Variants in CTNNA3 observed in about 807,000 individuals in gnomAD.
CTNNA3 encodes catenin alpha-3.
Under a neutral mutation model 95.7 loss-of-function variants are expected in CTNNA3, and 76 were observed. That is an observed-to-expected ratio of 0.79 (90% confidence interval 0.66 to 0.96). The LOEUF (loss-of-function observed/expected upper bound fraction) is 0.96. CTNNA3 is among the 40% of genes least tolerant of loss of function. The probability of loss-of-function intolerance (pLI) is 0.00; values close to 1 mark genes in which losing one functional copy is unlikely to be tolerated. For missense variants in CTNNA3, 1,191 were observed against 1,089.8 expected, an observed-to-expected ratio of 1.09 and a Z score of -1.31; for synonymous variants, 431 against 374.4, an observed-to-expected ratio of 1.15 and a Z score of -1.74.
At chr10:67,005,383 T>C (rs753007407) in intron 7 of CTNNA3, among the ~76,000 whole-genome samples, 15 of 152,190 alleles carry the variant, frequency 9.9e-5, no homozygotes, top group Non-Finnish European at 1.3e-4. Context: ...AAGCAGACAT[T>C]CTCTATCTCA....
intron 9 of CTNNA3, among the ~76,000 whole-genome samples, chr10:66,710,187 G>A (rs1236747823): frequency 6.6e-6 from 1 of 152,094 alleles, no homozygotes; most frequent in African/African-American, 2.4e-5. Flanking sequence ...AATCCAGTGT[G>A]GAAGATGGTG....
intron 5 of CTNNA3, among the ~76,000 whole-genome samples, chr10:67,286,480 G>A (rs539900219): frequency 6.6e-6 from 1 of 152,116 alleles, no homozygotes; most frequent in Non-Finnish European, 1.5e-5. Context: ...TACCTCACAG[G>A]GTTAATGTGA....
chr10:66,466,368 A>ACG (rs1554969477), intron 11 of CTNNA3, among the ~76,000 whole-genome samples: 1 of 151,222 alleles, frequency 6.6e-6, no homozygotes, highest in Non-Finnish European at 1.5e-5. Flanking sequence ...ACACACACAC[A>ACG]CACACAATCT....
chr10:66,001,790 A>G (rs1252359776), intron 15 of CTNNA3, among the ~76,000 whole-genome samples: 1 of 151,992 alleles, frequency 6.6e-6, no homozygotes, highest in African/African-American at 2.4e-5. Flanking sequence ...ACTTTTTTAA[A>G]TTCCAAAATT....
chr10:66,951,262 T>C (rs981323111), intron 7 of CTNNA3, among the ~76,000 whole-genome samples: 1 of 151,938 alleles, frequency 6.6e-6, no homozygotes, highest in African/African-American at 2.4e-5. Flanking sequence ...ATTATAGGCA[T>C]GCACCACCAC....
At chr10:67,491,308 C>G (rs1039947511) in intron 5 of CTNNA3, among the ~76,000 whole-genome samples, 4 of 152,060 alleles carry the variant, frequency 2.6e-5, no homozygotes, top group African/African-American at 9.7e-5. Flanking sequence ...CAACTTTGTC[C>G]CTGGCACTGT....
At chr10:67,216,852 T>C (rs1216666213) in intron 6 of CTNNA3, among the ~76,000 whole-genome samples, 1 of 152,236 alleles carries the variant, frequency 6.6e-6, no homozygotes, top group Non-Finnish European at 1.5e-5. Flanking sequence ...AGTTTCTTGC[T>C]TCATAACATT....
chr10:66,649,684 T>C (rs976610999), intron 9 of CTNNA3, among the ~76,000 whole-genome samples: 1 of 152,182 alleles, frequency 6.6e-6, no homozygotes, highest in Non-Finnish European at 1.5e-5. Context: ...GATCCATGCC[T>C]GCTCAATAGA....
intron 13 of CTNNA3, among the ~76,000 whole-genome samples, chr10:66,259,296 C>T (rs1269573719): frequency 1.3e-5 from 2 of 152,128 alleles, no homozygotes; most frequent in Non-Finnish European, 2.9e-5. Context: ...TATCCACTCA[C>T]TATCCCCTTT....
At chr10:67,391,969 C>A (rs1469308827) in intron 5 of CTNNA3, among the ~76,000 whole-genome samples, 178 of 151,442 alleles carry the variant, frequency 1.2e-3, no homozygotes, top group African/African-American at 4.0e-3. Context: ...AAAACCTAGG[C>A]ATTACCATTC....
chr10:67,392,998 T>G (rs1044289687), intron 5 of CTNNA3, among the ~76,000 whole-genome samples: 1 of 151,988 alleles, frequency 6.6e-6, no homozygotes, highest in Non-Finnish European at 1.5e-5. Context: ...ATGGCACATG[T>G]ATACATATGT....
At chr10:66,764,235 C>A (rs542663496) in intron 9 of CTNNA3, among the ~76,000 whole-genome samples, 2 of 152,204 alleles carry the variant, frequency 1.3e-5, no homozygotes, top group East Asian at 3.9e-4. Context: ...TTTATTCTTT[C>A]AAAATTCACA....
chr10:66,331,318 T>C (rs974625032), intron 12 of CTNNA3, among the ~76,000 whole-genome samples: 1 of 148,054 alleles, frequency 6.8e-6, no homozygotes, highest in African/African-American at 2.5e-5. Context: ...ATTTATTAAA[T>C]ATGGACTCCT....
rs1015868564 is a variant in CTNNA3 at position 66,886,111 on chromosome 10, A to G, written c.1048-110587T>C. Among the ~76,000 whole-genome samples the G allele has an allele frequency of 2.0e-5, 3 of 152,154 alleles. No individual in the cohort carries two copies. In the East Asian group the frequency reaches 5.8e-4, roughly 29 times the overall value. On this transcript the variant is annotated intron_variant, in intron 7 of 17. Coordinates refer to ENST00000433211, the MANE Select transcript of CTNNA3 (RefSeq NM_013266.4). ...AAAGGAGAGAAGAGAAAGGGATAAA[A>G]ATGGGTTTAAAAGTAGGATTAGAGT...
intron 12 of CTNNA3, among the ~76,000 whole-genome samples, chr10:66,286,934 TTTA>T (rs1428534727): frequency 2.0e-5 from 3 of 152,128 alleles, no homozygotes; most frequent in Admixed American, 6.6e-5. Flanking sequence ...AAATTTATTT[TTTA>T]TTGATACATA....
chr10:66,214,942 G>GA (rs1291839532), intron 13 of CTNNA3, among the ~76,000 whole-genome samples: 2 of 151,440 alleles, frequency 1.3e-5, no homozygotes, highest in African/African-American at 2.4e-5. Context: ...TAAGTCTTAG[G>GA]AAAAAAAGAC....
intron 13 of CTNNA3, among the ~76,000 whole-genome samples, chr10:66,170,887 A>G (rs1197732141): frequency 6.6e-6 from 1 of 152,162 alleles, no homozygotes; most frequent in African/African-American, 2.4e-5. Context: ...TAATCCCAGC[A>G]CTTTGGGAGG....
At chr10:65,957,762 G>A (rs917839178) in intron 17 of CTNNA3, among the ~76,000 whole-genome samples, 2 of 152,204 alleles carry the variant, frequency 1.3e-5, no homozygotes. Flanking sequence ...TCTGCTGTTA[G>A]TCTGATGGGC....
Position 66,327,568 on chromosome 10 carries a change from G to A in CTNNA3, c.1733-46947C>T, listed in dbSNP as rs369444729. On this transcript the variant is annotated intron_variant, in intron 12 of 17. Coordinates refer to ENST00000433211, the MANE Select transcript of CTNNA3 (RefSeq NM_013266.4). ...ATGTGGCATATATTTCTTTGCCATT[G>A]TCGTTCAAATTTTGCATTCTAGAAT... 4.5e-4 allele frequency among the ~76,000 whole-genome samples: 69 copies of A among 152,016 alleles called. 1 individual carries two copies. In the South Asian group the frequency reaches 0.014, roughly 31 times the overall value.
Sources: gnomAD v4.1 joint callset for allele counts (sites outside exome capture counted in the v4.1 genomes callset) on GRCh38, gnomAD v4.1.1 for gene constraint, MANE v1.5 for transcripts, NCBI Gene and HGNC (gene_info 2026-07-23, HGNC 2026-07-21) for gene names.